ESYT2: variants seen among roughly 807,000 people sequenced by gnomAD.
ESYT2 encodes extended synaptotagmin 2, also known as extended synaptotagmin-2.
Under a neutral mutation model 107.2 loss-of-function variants are expected in ESYT2, and 54 were observed. The observed-to-expected ratio is 0.50, with a 90% CI of 0.40 to 0.63. ESYT2 has a LOEUF of 0.63. Ranked by LOEUF, ESYT2 falls within the 30% of genes least tolerant of loss-of-function variation. ESYT2 has a pLI of 0.00. For synonymous variants in ESYT2, 491 were observed against 434.1 expected (o/e 1.13, Z -1.63); for missense variants, 1,020 against 1,094.5 (o/e 0.93, Z 0.96).
At chr7:158,795,411 C>T (rs958841208) in intron 3 of ESYT2, among the ~76,000 whole-genome samples, 1 of 152,224 alleles carries the variant, frequency 6.6e-6, no homozygotes, top group East Asian at 1.9e-4. Flanking sequence ...ATAAACCCAG[C>T]TGAGATGGAA....
At chr7:158,796,467 C>T (rs915571696) in intron 3 of ESYT2, among the ~76,000 whole-genome samples, 11 of 152,116 alleles carry the variant, frequency 7.2e-5, no homozygotes, top group Non-Finnish European at 1.5e-4. Context: ...TTTAACATCC[C>T]GAGAGGGGTA....
At chr7:158,805,716 T>C (rs541611475) in intron 1 of ESYT2, among the ~76,000 whole-genome samples, 3 of 152,362 alleles carry the variant, frequency 2.0e-5, no homozygotes, top group African/African-American at 7.2e-5. Context: ...TTTAAGGTCA[T>C]TTCTTAACAG....
Position 158,743,540 on chromosome 7 carries a change from T to C in ESYT2, c.1783A>G (p.Ile595Val), listed in dbSNP as rs1214481627. 2 of 1,611,326 alleles carry C rather than the reference T, an allele frequency of 1.2e-6. No homozygotes were observed. Among genetic ancestry groups the C allele is most frequent in the Non-Finnish European group, 1.7e-6 (2 of 1,179,180 alleles). ...GGACGACACGATACCCGCAGGGCAATCTTCATCTTGATGGTGCTGTTTGGA... is the reference window on the plus strand; with the variant it reads ...GGACGACACGATACCCGCAGGGCAACCTTCATCTTGATGGTGCTGTTTGGA... ...SGPNSTIKMK[I>V]ALRVLHLEKR... The change falls in exon 17 of 23, where the codon ATT becomes GTT. Residue 595 changes from isoleucine (I) to valine (V), a missense_variant. Coordinates refer to ENST00000275418, the MANE Select transcript of ESYT2 (RefSeq NM_001367773.1).
intron 13 of ESYT2, among the ~76,000 whole-genome samples, chr7:158,756,841 G>A (rs1273728027): frequency 2.0e-5 from 3 of 151,174 alleles, no homozygotes; most frequent in East Asian, 3.9e-4. Flanking sequence ...CATGGGAGGT[G>A]GAGGTTGCAG....
chr7:158,799,210 G>T, intron 1 of ESYT2, 138 bp from the exon 2 acceptor site: 1 of 741,286 alleles, frequency 1.3e-6, no homozygotes, highest in African/African-American at 1.8e-5. Context: ...CTAAAGCTTG[G>T]GAAACTGGTC....
At chr7:158,775,214 TC>T (rs1227176460) in intron 6 of ESYT2, among the ~76,000 whole-genome samples, 1 of 152,176 alleles carries the variant, frequency 6.6e-6, no homozygotes, top group African/African-American at 2.4e-5. Context: ...ATGCTAACGA[TC>T]ACATAAGCCT....
chr7:158,735,758 G>T, intron 20 of ESYT2, 150 bp from the exon 21 acceptor site: 1 of 716,298 alleles, frequency 1.4e-6, no homozygotes, highest in Non-Finnish European at 2.2e-6. Flanking sequence ...GTTTTAATCT[G>T]GCATTTCAGG....
In ESYT2 at chr7:158,809,356, G is replaced by A. The variant is rs867239916; in HGVS notation, c.331-10284C>T. Among the ~76,000 whole-genome samples, 17 of 151,194 alleles carry A rather than the reference G, an allele frequency of 1.1e-4. No individual in the cohort carries two copies. The Middle Eastern group carries it at 0.011, about 94-fold the overall frequency. ...CTGGGCGTGGTGGCGTGCATCTGTA[G>A]TCCCTGCTACTCGGGAGGCTGAAGC... On this transcript the variant is annotated intron_variant, in intron 1 of 22. Coordinates refer to ENST00000275418, the MANE Select transcript of ESYT2 (RefSeq NM_001367773.1).
intron 1 of ESYT2, among the ~76,000 whole-genome samples, chr7:158,801,727 T>C (rs1389520144): frequency 2.0e-5 from 3 of 152,208 alleles, no homozygotes; most frequent in South Asian, 2.1e-4. Context: ...GAAATAATCA[T>C]TGTACGATTA....
chr7:158,797,858 A>AG (rs903288024), intron 3 of ESYT2, 84 bp downstream of exon 3: 28 of 1,483,796 alleles, frequency 1.9e-5, no homozygotes, highest in Non-Finnish European at 2.4e-5. Context: ...CGTCTCAAGA[A>AG]AAAAAAAAAA....
Position 158,735,560 on chromosome 7 carries a change from G to A in ESYT2, c.2448C>T (p.Asp816=), listed in dbSNP as rs752202499. ...AGCCGCCACTGTTCTTCACGGCAAC[G>A]TCGAGCGTTCTCCTCTGCACTTCTG... ...SLPEVQRRTL[D]VAVKNSGGFL... is the part of the protein sequence containing the mutation. Residue 816 remains aspartate (D), a synonymous_variant, in exon 21 of 23, where the codon GAC becomes GAT. Transcript: ENST00000275418. 9.3e-6 allele frequency: 15 copies of A among 1,614,034 alleles called. No individual in the cohort carries two copies. The highest frequency in any genetic ancestry group is 3.3e-4 in the Middle Eastern group (2 of 6,084).
chr7:158,745,223 A>G (rs5029136), intron 16 of ESYT2, among the ~76,000 whole-genome samples: 7,059 of 83,118 alleles, frequency 0.085, 555 homozygotes, highest in East Asian at 0.26. Context: ...AGACAGGGTC[A>G]GGCAAGCGGC....
At chr7:158,749,613 C>T (rs749944563) in intron 15 of ESYT2, 36 bp downstream of exon 15, 2 of 1,608,992 alleles carry the variant, frequency 1.2e-6, no homozygotes, top group Non-Finnish European at 1.7e-6. Context: ...GCCCGCACGA[C>T]AGGCACCAAG....
intron 6 of ESYT2, among the ~76,000 whole-genome samples, chr7:158,780,524 A>AATGATTTTACTTTCAG (rs1178906680): frequency 2.0e-5 from 3 of 152,242 alleles, no homozygotes; most frequent in Non-Finnish European, 4.4e-5. Flanking sequence ...TCATTTCAGA[A>AATGATTTTACTTTCAG]AAACATTACT....
intron 14 of ESYT2, among the ~76,000 whole-genome samples, chr7:158,751,922 G>C (rs938242004): frequency 1.3e-5 from 2 of 152,188 alleles, no homozygotes; most frequent in Non-Finnish European, 2.9e-5. Flanking sequence ...TACTCCACAG[G>C]AGTAACCCCT....
Position 158,743,502 on chromosome 7 carries a change from G to A in ESYT2, c.1794+27C>T, listed in dbSNP as rs574084902. ...CAGCACCCGCCTCCCCATCCCCTATGGTGTTCACTGCAGGACGACACGATA... is the reference window on the plus strand; with the variant it reads ...CAGCACCCGCCTCCCCATCCCCTATAGTGTTCACTGCAGGACGACACGATA... On this transcript the variant is annotated intron_variant, in intron 17 of 22. Coordinates refer to ENST00000275418, the MANE Select transcript of ESYT2 (RefSeq NM_001367773.1). 32 of 1,590,160 alleles carry A rather than the reference G, an allele frequency of 2.0e-5. No individual in the cohort carries two copies. The South Asian group carries it at 3.6e-4, about 18-fold the overall frequency.
At chr7:158,782,251 G>A (rs577241709) in intron 6 of ESYT2, among the ~76,000 whole-genome samples, 2 of 149,026 alleles carry the variant, frequency 1.3e-5, no homozygotes, top group Admixed American at 6.7e-5. Context: ...GTGAGAATGA[G>A]TGAACAAGTA....
At position 158,733,014 on chromosome 7, in the gene ESYT2, T is replaced by C. The variant is rs1836797604; in HGVS notation, c.*1193A>G. 1 of 152,188 alleles carries C rather than the reference T, an allele frequency of 6.6e-6. No homozygotes were observed. Among genetic ancestry groups the C allele is most frequent in the African/African-American group, 2.4e-5 (1 of 41,448 alleles). 9.4% of individuals were successfully genotyped at this position (152,188 alleles called of 1,614,324 possible). ...CAGTCTAAACAGGATAAAAATTGCA[T>C]AACAATATCCCAATATTAAGGTCAG... On this transcript the variant is annotated 3_prime_UTR_variant, in exon 23 of 23. Transcript: ENST00000275418.
At chr7:158,828,705 A>T (rs1249306895) in intron 1 of ESYT2, among the ~76,000 whole-genome samples, 1 of 152,026 alleles carries the variant, frequency 6.6e-6, no homozygotes. Context: ...AGCGGCGAGC[A>T]GCGGGCGGCG....
Sources: gnomAD v4.1 joint callset for allele counts (sites outside exome capture counted in the v4.1 genomes callset) on GRCh38, gnomAD v4.1.1 for gene constraint, MANE v1.5 for transcripts, NCBI Gene and HGNC (gene_info 2026-07-23, HGNC 2026-07-21) for gene names.